LARP1B: variants seen among roughly 807,000 people sequenced by gnomAD.
LARP1B encodes La ribonucleoprotein 1B.
Under a neutral mutation model 114.2 loss-of-function variants are expected in LARP1B, and 76 were observed. The observed-to-expected ratio is 0.67, with a 90% confidence interval of 0.55 to 0.81. The LOEUF is 0.81. Among genes scored for constraint, LARP1B ranks in the 30% least tolerant of loss-of-function variants. LARP1B has a pLI of 0.00. For synonymous variants in LARP1B, 345 were observed against 348.0 expected (o/e 0.99, Z 0.10); for missense variants, 1,014 against 1,075.8 (o/e 0.94, Z 0.80).
At position 128,200,386 on chromosome 4, in the gene LARP1B, A is replaced by C. The variant is rs544066193; in HGVS notation, c.2165-135A>C. Reference sequence around the variant, plus strand: ...TGTGGCCTGGAGGTTGGAGATCCCCACTCTATTTAGAAGAAACCTAAATAC... The same window carrying C: ...TGTGGCCTGGAGGTTGGAGATCCCCCCTCTATTTAGAAGAAACCTAAATAC... On this transcript the variant is annotated intron_variant, in intron 16 of 19. Transcript: ENST00000326639. The C allele has an allele frequency of 1.3e-4, 73 of 562,218 alleles. 1 individual carries two copies. In the East Asian group the frequency reaches 2.2e-3, roughly 17 times the overall value. 34.8% of individuals were successfully genotyped at this position (562,218 alleles called of 1,614,324 possible).
intron 12 of LARP1B, among the ~76,000 whole-genome samples, chr4:128,176,604 T>C (rs901131901): frequency 2.0e-5 from 3 of 152,088 alleles, no homozygotes; most frequent in African/African-American, 7.2e-5. Context: ...AGATTGTATA[T>C]ATTTTTGGCA....
chr4:128,065,399 G>A (rs1426685375), intron 1 of LARP1B, among the ~76,000 whole-genome samples: 1 of 100,092 alleles, frequency 1.0e-5, no homozygotes, highest in African/African-American at 3.4e-5. Flanking sequence ...TTCAAGAGAT[G>A]GAGTCTCTCT....
At chr4:128,208,112 G>A (rs2150954035) in intron 19 of LARP1B, among the ~76,000 whole-genome samples, 1 of 152,298 alleles carries the variant, frequency 6.6e-6, no homozygotes, top group East Asian at 1.9e-4. Flanking sequence ...TGGATCACCT[G>A]ATGCCAGGAG....
At position 128,185,390 on chromosome 4, in the gene LARP1B, A is replaced by G. The variant is rs373859382; in HGVS notation, c.2003+5878A>G. Among the ~76,000 whole-genome samples, 5 of 152,242 alleles carry G rather than the reference A, an allele frequency of 3.3e-5. No individual in the cohort carries two copies. In the East Asian group the frequency reaches 9.6e-4, roughly 29 times the overall value. ...CATTTTAACTGGGGTGAGATGCTTTATCATTGTAGTTTTGATTTTCTTTAT... is the reference window on the plus strand; with the variant it reads ...CATTTTAACTGGGGTGAGATGCTTTGTCATTGTAGTTTTGATTTTCTTTAT... On this transcript the variant is annotated intron_variant, in intron 15 of 19. Transcript: ENST00000326639.
At chr4:128,155,946 C>T in intron 11 of LARP1B, 1 of 1,526,116 alleles carries the variant, frequency 6.6e-7, no homozygotes, top group South Asian at 1.2e-5. Context: ...CAGGCGGTAC[C>T]AGCGGCACCA....
At chr4:128,155,265 G>C (rs561422736) in intron 11 of LARP1B, 322 of 390,936 alleles carry the variant, frequency 8.2e-4, no homozygotes, top group South Asian at 2.5e-3. Context: ...TGAAAAAGTA[G>C]GTTTAAAAAA....
At chr4:128,076,485 AAC>A (rs1398207886) in intron 3 of LARP1B, among the ~76,000 whole-genome samples, 1 of 152,154 alleles carries the variant, frequency 6.6e-6, no homozygotes, top group Admixed American at 6.5e-5. Context: ...GTATGGATGT[AAC>A]ACAGTTTGTC....
intron 7 of LARP1B, 30 bp downstream of exon 7, chr4:128,091,542 G>A: frequency 1.3e-6 from 2 of 1,534,230 alleles, no homozygotes; most frequent in Admixed American, 2.0e-5. Flanking sequence ...AAGCAGACGG[G>A]ATAGCAAAAT....
intron 11 of LARP1B, chr4:128,155,824 G>T (rs991746949): frequency 1.3e-6 from 2 of 1,582,358 alleles, no homozygotes; most frequent in East Asian, 4.5e-5. Context: ...TGAGAAATCA[G>T]GGCTGCAGCG....
At position 128,176,868 on chromosome 4, in the gene LARP1B, G is replaced by A. The variant is rs777595533; in HGVS notation, c.1649-4G>A. 3 of 1,613,744 alleles carry A rather than the reference G, an allele frequency of 1.9e-6. No homozygotes were observed. Among genetic ancestry groups the A allele is most frequent in the Non-Finnish European group, 2.5e-6 (3 of 1,179,684 alleles). ...AAAAAGGGACTAATTAACTCTCTTG[G>A]CAGGAGGTGTTCAAGGAGTGCTTCA... On this transcript the variant is annotated splice_region_variant and splice_polypyrimidine_tract_variant and intron_variant, in intron 12 of 19. Coordinates refer to ENST00000326639, the MANE Select transcript of LARP1B (RefSeq NM_018078.4).
intron 15 of LARP1B, among the ~76,000 whole-genome samples, chr4:128,180,197 C>T (rs1233448823): frequency 2.0e-5 from 3 of 152,090 alleles, no homozygotes; most frequent in Non-Finnish European, 4.4e-5. Context: ...AGCAGTCCTC[C>T]TACCTCAGCC....
chr4:128,099,363 C>G (rs1013099970), intron 8 of LARP1B, among the ~76,000 whole-genome samples: 1 of 150,766 alleles, frequency 6.6e-6, no homozygotes, highest in African/African-American at 2.4e-5. Flanking sequence ...TCTTGGCTCA[C>G]TGCAACTTCT....
rs149769911 is a variant in LARP1B at position 128,078,924 on chromosome 4, C to T, written c.217+962C>T. Among the ~76,000 whole-genome samples, 361 of 152,204 alleles carry T rather than the reference C, an allele frequency of 2.4e-3. 2 individuals carry two copies. Among genetic ancestry groups the T allele is most frequent in the African/African-American group, 8.0e-3 (332 of 41,514 alleles). On this transcript the variant is annotated intron_variant, in intron 4 of 19. Coordinates refer to ENST00000326639, the MANE Select transcript of LARP1B (RefSeq NM_018078.4). ...ATAGATAGACAACGTCCATGGTATA[C>T]AGGGCCTTGGAGTTATGATTCCATT...
rs111435076 is a variant in LARP1B, at chr4:128,179,518, A to T, written c.2003+6A>T. On this transcript the variant is annotated splice_donor_region_variant and intron_variant, in intron 15 of 19. Transcript: ENST00000326639. ...CCAGGAACATCCTCTGTCAGGTACTATATTTCTCAAACATTACTTTTTTGT... is the reference window on the plus strand; with the variant it reads ...CCAGGAACATCCTCTGTCAGGTACTTTATTTCTCAAACATTACTTTTTTGT... 17 of 1,529,672 alleles carry T rather than the reference A, an allele frequency of 1.1e-5. 1 individual carries two copies. In the African/African-American group the frequency reaches 1.5e-4, roughly 14 times the overall value. The allele number at this position is 1,529,672 out of a possible 1,614,324, so 94.8% of individuals were successfully genotyped here.
rs550986378 is a variant in LARP1B at position 128,074,445 on chromosome 4, A to G, written c.-77-15A>G. ...ATGAAGTAGTTGTAAAAACAATTCT[A>G]TATATTTTCTTTAGAATTCGGTTCC... On this transcript the variant is annotated splice_polypyrimidine_tract_variant and intron_variant, in intron 1 of 19. Transcript: ENST00000326639. The G allele has an allele frequency of 2.2e-5, 15 of 668,552 alleles. No individual in the cohort carries two copies. The African/African-American group carries it at 2.5e-4, about 11-fold the overall frequency. The allele number at this position is 668,552 out of a possible 1,614,324, so 41.4% of individuals were successfully genotyped here. A position where few individuals can be genotyped will look rare whatever the true frequency, so the allele number is the denominator to read the frequency against.
At chr4:128,117,361 T>TA (rs935540502) in intron 10 of LARP1B, among the ~76,000 whole-genome samples, 6 of 151,732 alleles carry the variant, frequency 4.0e-5, no homozygotes, top group African/African-American at 1.2e-4. Flanking sequence ...AGGCACCTGC[T>TA]ACTACACCCG....
chr4:128,088,610 CTA>C (rs1416301236), intron 5 of LARP1B, among the ~76,000 whole-genome samples: 5 of 151,992 alleles, frequency 3.3e-5, no homozygotes, highest in Admixed American at 6.6e-5. Flanking sequence ...AAGAGGCTCT[CTA>C]TGGTAATTTT....
At chr4:128,125,735 A>T (rs1789368558) in intron 11 of LARP1B, among the ~76,000 whole-genome samples, 2 of 152,178 alleles carry the variant, frequency 1.3e-5, no homozygotes, top group Admixed American at 1.3e-4. Context: ...ACAGAACAAG[A>T]CTCTAACTCA....
At chr4:128,084,759 CT>C (rs1772720257) in intron 5 of LARP1B, among the ~76,000 whole-genome samples, 1 of 152,106 alleles carries the variant, frequency 6.6e-6, no homozygotes, top group Non-Finnish European at 1.5e-5. Context: ...ACCCCTGTAA[CT>C]TTGATTATTA....
Sources: allele counts gnomAD v4.1 joint callset (sites outside exome capture counted in the v4.1 genomes callset), GRCh38; gene constraint gnomAD v4.1.1; transcripts MANE v1.5; gene names NCBI Gene and HGNC (gene_info 2026-07-23, HGNC 2026-07-21).